The following MAPKBP1 variants were observed in gnomAD, a reference collection of about 807,000 sequenced individuals.
The protein encoded by MAPKBP1 is mitogen-activated protein kinase-binding protein 1.
In MAPKBP1, 71 loss-of-function variants were observed where a neutral mutation model predicts 170.5. That is an observed-to-expected ratio of 0.42 (90% CI 0.34 to 0.51). MAPKBP1 has a LOEUF of 0.51. Ranked by LOEUF, MAPKBP1 falls within the 20% of genes least tolerant of loss-of-function variation. MAPKBP1 has a pLI of 0.06. For missense variants in MAPKBP1, 1,598 were observed against 1,933.0 expected (o/e 0.83, Z 3.25); for synonymous variants, 719 against 757.9 (o/e 0.95, Z 0.84).
intron 2 of MAPKBP1, among the ~76,000 whole-genome samples, chr15:41,781,163 C>T (rs1181512846): frequency 6.6e-6 from 1 of 151,858 alleles, no homozygotes; most frequent in East Asian, 1.9e-4. Flanking sequence ...GCAACCTCCA[C>T]CTCCCGGGTT....
In MAPKBP1 at chr15:41,813,740, C is replaced by T. The variant is rs781610377; in HGVS notation, c.939C>T (p.Pro313=). 28 of 1,611,568 alleles carry T rather than the reference C, an allele frequency of 1.7e-5. No homozygotes were observed. The highest frequency in any genetic ancestry group is 2.3e-5 in the Non-Finnish European group (27 of 1,178,988). The change falls in exon 9 of 31, where the codon CCC becomes CCT. Residue 313 remains proline (P), a synonymous_variant. Coordinates refer to ENST00000457542, the MANE Select transcript of MAPKBP1 (RefSeq NM_014994.3). ...NLHFLSTLPR[P]HALGTDIASV... is the part of the protein sequence containing the mutation. The stretch of plus-strand genomic sequence containing the variant: ...ACTTCCTTAGCACCTTGCCCCGACC[C>T]CATGCTCTGGGGACAGACATTGCTA...
In MAPKBP1 at chr15:41,812,030, A is replaced by T. The variant is rs779521836; in HGVS notation, c.401A>T (p.Lys134Met). The change falls in exon 6 of 31, where the codon AAG becomes ATG. Residue 134 changes from lysine to methionine, a missense_variant. By Grantham distance (95) the Lys-to-Met change is moderately conservative. Around this residue, in one of 6 missense-constraint regions of MAPKBP1, gnomAD observed 151 missense variants for 191.4 expected, o/e 0.79. Coordinates refer to ENST00000457542, the MANE Select transcript of MAPKBP1 (RefSeq NM_014994.3). ...CAGGTGGCCGAGCTGCAGGAGCACA[A>T]GTATGGTGTGGCTTGTGTGGCCTTC... is the stretch of plus-strand genomic sequence containing the variant. ...HSQVAELQEHKYGVACVAFSP... is the reference protein window; with the variant it reads ...HSQVAELQEHMYGVACVAFSP... 2 of 1,614,080 alleles carry T rather than the reference A, an allele frequency of 1.2e-6. No individual in the cohort carries two copies. The highest frequency in any genetic ancestry group is 1.7e-6 in the Non-Finnish European group (2 of 1,180,022).
chr15:41,823,009 G>A lies in MAPKBP1; in HGVS notation c.3385G>A (p.Glu1129Lys). ...RPAQVPQASGEQPRGNGANPP... is the reference protein window; with the variant it reads ...RPAQVPQASGKQPRGNGANPP... ...AGCCCAGGTGCCACAGGCATCTGGT[G>A]AGCAGCCGAGAGGCAATGGTGCCAA... The change falls in exon 28 of 31, where the codon GAG becomes AAG. Residue 1129 changes from glutamate to lysine, a missense_variant. By Grantham distance (56) the Glu-to-Lys change is moderately conservative. Transcript: ENST00000457542. 6.2e-7 allele frequency: 1 copy of A among 1,613,996 alleles called. No homozygotes were observed. Among genetic ancestry groups the A allele is most frequent in the Non-Finnish European group, 8.5e-7 (1 of 1,179,976 alleles).
At position 41,816,196 on chromosome 15, in the gene MAPKBP1, T is replaced by C. The variant is rs554983929; in HGVS notation, c.1494-363T>C. On this transcript the variant is annotated intron_variant, in intron 12 of 30. Coordinates refer to ENST00000457542, the MANE Select transcript of MAPKBP1 (RefSeq NM_014994.3). ...AAAGTAAGGAAAGACCAGAGAACTG[T>C]TACAGACCACAGAAGTCTAAGGAGA... The C allele has an allele frequency of 5.1e-5, 18 of 352,446 alleles. No individual in the cohort carries two copies. The South Asian group carries it at 7.7e-4, about 15-fold the overall frequency. 21.8% of individuals were successfully genotyped at this position (352,446 alleles called of 1,614,324 possible). A position where few individuals can be genotyped will look rare whatever the true frequency, so the allele number is the denominator to read the frequency against.
At chr15:41,774,942 G>T (rs1387641544) in intron 1 of MAPKBP1, 12 of 476,424 alleles carry the variant, frequency 2.5e-5, no homozygotes, top group Non-Finnish European at 4.4e-5. Flanking sequence ...CATCCATCTC[G>T]CCAGTTAAAC....
intron 2 of MAPKBP1, among the ~76,000 whole-genome samples, chr15:41,796,984 C>T (rs2064502008): frequency 6.6e-6 from 1 of 152,104 alleles, no homozygotes; most frequent in Admixed American, 6.5e-5. Flanking sequence ...TTTTGTGAAA[C>T]TTTCAGTTTT....
chr15:41,822,204 C>T, intron 25 of MAPKBP1, 21 bp from the exon 26 acceptor site: 1 of 1,607,494 alleles, frequency 6.2e-7, no homozygotes, highest in Non-Finnish European at 8.5e-7. Context: ...TGCGATGCCT[C>T]TCTCCCCTCC....
intron 29 of MAPKBP1, 36 bp downstream of exon 29, chr15:41,824,097 A>C (rs1468846158): frequency 2.6e-6 from 4 of 1,557,880 alleles, no homozygotes; most frequent in Non-Finnish European, 2.6e-6. Context: ...CTCCTGCCCC[A>C]TCCTTACTCT....
In MAPKBP1 at chr15:41,813,693, C is replaced by G; in HGVS notation, c.892C>G (p.Leu298Val). Residue 298 changes from leucine to valine, a missense_variant, in exon 9 of 31, where the codon CTT becomes GTT. Physicochemically the swap from Leu to Val is conservative, Grantham distance 32. Around this residue, in one of 6 missense-constraint regions of MAPKBP1, gnomAD observed 430 missense variants for 617.2 expected, o/e 0.70. Transcript: ENST00000457542. ...TGGCTGTGCTGATGGCACCGTGCGC[C>G]TTTTCAACCCCTCTAACCTGCACTT... ...FCGCADGTVR[L>V]FNPSNLHFLS... The G allele has an allele frequency of 2.5e-6, 4 of 1,614,002 alleles. No individual in the cohort carries two copies. The highest frequency in any genetic ancestry group is 3.4e-6 in the Non-Finnish European group (4 of 1,179,956).
intron 2 of MAPKBP1, among the ~76,000 whole-genome samples, chr15:41,786,777 A>AAAAAAAAAAATATATATATATAT: frequency 2.1e-3 from 68 of 32,368 alleles, no homozygotes; most frequent in South Asian, 3.0e-3. Context: ...AAAAAAAAAA[A>AAAAAAAAAAATATATATATATAT]ATATATATAT....
chr15:41,801,664 A>C (rs958967058), intron 3 of MAPKBP1, among the ~76,000 whole-genome samples: 1 of 152,160 alleles, frequency 6.6e-6, no homozygotes, highest in African/African-American at 2.4e-5. Flanking sequence ...CCTGGCCAAC[A>C]TGTTGAAACC....
chr15:41,794,962 C>T (rs970114864), intron 2 of MAPKBP1, among the ~76,000 whole-genome samples: 7 of 151,978 alleles, frequency 4.6e-5, no homozygotes, highest in African/African-American at 1.7e-4. Flanking sequence ...GTCAGGGGTT[C>T]AAGACCAGCC....
chr15:41,784,664 C>T (rs1234422934), intron 2 of MAPKBP1, among the ~76,000 whole-genome samples: 1 of 151,840 alleles, frequency 6.6e-6, no homozygotes, highest in Admixed American at 6.6e-5. Flanking sequence ...CACCTGTAGT[C>T]CCAGCTACTC....
At position 41,782,845 on chromosome 15, in the gene MAPKBP1, C is replaced by T. The variant is rs369761076; in HGVS notation, c.114+7456C>T. 1.1e-4 allele frequency among the ~76,000 whole-genome samples: 16 copies of T among 152,306 alleles called. No homozygotes were observed. The East Asian group carries it at 3.1e-3, about 29-fold the overall frequency. On this transcript the variant is annotated intron_variant, in intron 2 of 30. Transcript: ENST00000457542. ...AAAAAAATACTTTGTCCCCAACATT[C>T]CTTATAAAAGTCAATTTAATGAATT... is the stretch of plus-strand genomic sequence containing the variant.
intron 2 of MAPKBP1, among the ~76,000 whole-genome samples, chr15:41,783,137 T>C (rs1323430860): frequency 6.6e-6 from 1 of 152,174 alleles, no homozygotes; most frequent in Non-Finnish European, 1.5e-5. Context: ...GACGGATGCC[T>C]TGGTTGTTTT....
At chr15:41,785,007 C>A (rs2064259384) in intron 2 of MAPKBP1, among the ~76,000 whole-genome samples, 1 of 151,492 alleles carries the variant, frequency 6.6e-6, no homozygotes, top group Non-Finnish European at 1.5e-5. Flanking sequence ...AGTTCTAGGT[C>A]TAGACTCCCT....
rs533004110 is a variant in MAPKBP1 at position 41,774,516 on chromosome 15, G to T, written c.-204G>T. 8.3e-5 allele frequency: 33 copies of T among 398,538 alleles called. No homozygotes were observed. In the South Asian group the frequency reaches 2.0e-3, roughly 25 times the overall value. The allele number at this position is 398,538 out of a possible 1,614,324, so 24.7% of individuals were successfully genotyped here. The stretch of plus-strand genomic sequence containing the variant: ...TCGTGCCACCATAGCTCCTGCTGCT[G>T]CCTCTACCGCTGCGGCTACCGCGGC... On this transcript the variant is annotated 5_prime_UTR_variant, in exon 1 of 31. Transcript: ENST00000457542.
At chr15:41,825,164 C>T (rs1389317227) in intron 30 of MAPKBP1, 45 bp from the exon 31 acceptor site, 1 of 1,501,196 alleles carries the variant, frequency 6.7e-7, no homozygotes, top group Non-Finnish European at 9.0e-7. Flanking sequence ...TTTTATATGT[C>T]TGTTGACAGG....
chr15:41,786,775 A>ATAT (rs1402898570), intron 2 of MAPKBP1, among the ~76,000 whole-genome samples: 3 of 12,450 alleles, frequency 2.4e-4, no homozygotes, highest in African/African-American at 6.9e-4. Context: ...AAAAAAAAAA[A>ATAT]AAATATATAT....
Sources: gnomAD v4.1 joint callset for allele counts (sites outside exome capture counted in the v4.1 genomes callset) on GRCh38, gnomAD v4.1.1 for gene constraint, gnomAD v4.1.1 regional missense constraint, MANE v1.5 for transcripts, NCBI Gene and HGNC (gene_info 2026-07-23, HGNC 2026-07-21) for gene names.